CACNA1D: variants seen among roughly 807,000 people sequenced by gnomAD.
CACNA1D encodes the protein voltage-dependent L-type calcium channel subunit alpha-1D.
In CACNA1D, 55 loss-of-function variants were observed where a neutral mutation model predicts 257.1. The ratio of observed to expected loss-of-function variants is 0.21; its 90% CI spans 0.17 to 0.27. The LOEUF is 0.27. Among genes scored for constraint, CACNA1D ranks in the 10% least tolerant of loss-of-function variants. The probability of loss-of-function intolerance (pLI) is 1.00; values close to 1 mark genes in which losing one functional copy is unlikely to be tolerated. For missense variants in CACNA1D, 1,876 were observed against 2,784.0 expected, an observed-to-expected ratio of 0.67 and a Z score of 7.34; for synonymous variants, 980 against 1,014.9, an observed-to-expected ratio of 0.97 and a Z score of 0.65.
chr3:53,724,068 C>G, intron 14 of CACNA1D, 69 bp downstream of exon 14: 1 of 1,216,640 alleles, frequency 8.2e-7, no homozygotes, highest in South Asian at 1.2e-5. Context: ...GCCTTCTTGT[C>G]TGCTCACACT....
At chr3:53,687,384 T>C (rs34804225) in intron 8 of CACNA1D, among the ~76,000 whole-genome samples, 16,525 of 152,090 alleles carry the variant, frequency 0.11, 967 homozygotes, top group East Asian at 0.17. Flanking sequence ...CTGTAATAAA[T>C]ACAATGTTTG....
At chr3:53,719,933 G>C in intron 11 of CACNA1D, 152 bp downstream of exon 11, 1 of 820,430 alleles carries the variant, frequency 1.2e-6, no homozygotes, top group Non-Finnish European at 2.2e-6. Flanking sequence ...TGAATCCTAT[G>C]AGCCTGGCTT....
At chr3:53,665,395 A>G (rs188374198) in intron 5 of CACNA1D, among the ~76,000 whole-genome samples, 1 of 152,300 alleles carries the variant, frequency 6.6e-6, no homozygotes, top group African/African-American at 2.4e-5. Context: ...TGCATAAATG[A>G]ATGATGAACT....
chr3:53,565,551 A>G (rs1486692645), intron 3 of CACNA1D, among the ~76,000 whole-genome samples: 1 of 152,210 alleles, frequency 6.6e-6, no homozygotes, highest in African/African-American at 2.4e-5. Flanking sequence ...AGGAGGGAGA[A>G]AGGAAAGGAA....
At chr3:53,604,339 T>G (rs1057404296) in intron 3 of CACNA1D, among the ~76,000 whole-genome samples, 8 of 152,216 alleles carry the variant, frequency 5.3e-5, no homozygotes, top group African/African-American at 1.9e-4. Context: ...TTTGGATGAC[T>G]GGCCAGCAGA....
At chr3:53,650,973 T>TGG (rs140398062) in intron 4 of CACNA1D, 55 bp downstream of exon 4, 23 of 1,117,548 alleles carry the variant, frequency 2.1e-5, no homozygotes, top group Admixed American at 8.8e-5. Flanking sequence ...AGGTGGAGGT[T>TGG]GGGGGGGGTG....
chr3:53,520,886 CTTTCTTTCTTTTCTTTTCTTTTCT>C (rs2091537191), intron 3 of CACNA1D, among the ~76,000 whole-genome samples: 1 of 87,476 alleles, frequency 1.1e-5, no homozygotes, highest in Non-Finnish European at 2.1e-5. Context: ...TTCTTTCTTT[CTTTCTTTCTTTTCTTTTCTTTTCT>C]TTTCTTTTTC....
chr3:53,546,575 C>T (rs868309083), intron 3 of CACNA1D, among the ~76,000 whole-genome samples: 4 of 152,154 alleles, frequency 2.6e-5, no homozygotes, highest in African/African-American at 9.7e-5. Flanking sequence ...CAGGAATCTC[C>T]ACAGAGATCC....
chr3:53,766,516 T>C (rs927790696), intron 30 of CACNA1D, among the ~76,000 whole-genome samples: 5 of 152,224 alleles, frequency 3.3e-5, no homozygotes, highest in African/African-American at 1.2e-4. Flanking sequence ...CAAGCACAGA[T>C]AGAAATTAAA....
chr3:53,543,129 T>G (rs28594126), intron 3 of CACNA1D, among the ~76,000 whole-genome samples: 2,915 of 121,530 alleles, frequency 0.024, 96 homozygotes, highest in African/African-American at 0.078. Context: ...AAAAAATAAA[T>G]AAAGAAAGAA....
chr3:53,782,901 G>A (rs2095433736), intron 39 of CACNA1D: 1 of 152,192 alleles, frequency 6.6e-6, no homozygotes, highest in African/African-American at 2.4e-5. Context: ...ACACCTAAGA[G>A]CTTGCATGGC....
At chr3:53,738,926 A>G (rs1467777637) in intron 20 of CACNA1D, among the ~76,000 whole-genome samples, 1 of 151,846 alleles carries the variant, frequency 6.6e-6, no homozygotes, top group Non-Finnish European at 1.5e-5. Context: ...AGGAAGGAGT[A>G]AGGAAAAGTT....
At chr3:53,799,138 G>A (rs1467978487) in intron 40 of CACNA1D, among the ~76,000 whole-genome samples, 1 of 152,200 alleles carries the variant, frequency 6.6e-6, no homozygotes, top group East Asian at 1.9e-4. Flanking sequence ...AGTGAGGAGG[G>A]GCTGCCTGGA....
At position 53,624,698 on chromosome 3, in the gene CACNA1D, G is replaced by A. The variant is rs368660683; in HGVS notation, c.484-26081G>A. On this transcript the variant is annotated intron_variant, in intron 3 of 47. Transcript: ENST00000350061. ...ATTACCGTAATTCTGTTTATATGAC[G>A]CACCCCCAAATTCTTGAGCTGTGGC... 4.8e-4 allele frequency among the ~76,000 whole-genome samples: 73 copies of A among 152,240 alleles called. 1 individual carries two copies. In the South Asian group the frequency reaches 0.015, roughly 30 times the overall value.
Position 53,495,701 on chromosome 3 carries a change from C to T in CACNA1D, c.67+468C>T, listed in dbSNP as rs578136110. Among the ~76,000 whole-genome samples, 1 of 152,370 alleles carries T rather than the reference C, an allele frequency of 6.6e-6. No individual in the cohort carries two copies. Among genetic ancestry groups the T allele is most frequent in the Non-Finnish European group, 1.5e-5 (1 of 68,034 alleles). ...TCTAGGATTGCCCGGTTTCGCCCTCCGCGCCGGTGGGTGAAGCACACCCAT... is the reference window on the plus strand; with the variant it reads ...TCTAGGATTGCCCGGTTTCGCCCTCTGCGCCGGTGGGTGAAGCACACCCAT... On this transcript the variant is annotated intron_variant, in intron 1 of 47. Coordinates refer to ENST00000350061, the MANE Select transcript of CACNA1D (RefSeq NM_001128840.3). This position sits in a 1 kb window ranked among gnomAD's most constrained non-coding sequence, Gnocchi z 5.1.
At chr3:53,742,674 C>T (rs1462960929) in intron 21 of CACNA1D, among the ~76,000 whole-genome samples, 3 of 152,150 alleles carry the variant, frequency 2.0e-5, no homozygotes, top group African/African-American at 4.8e-5. Context: ...GTGGGCTCTC[C>T]GGACAGCACT....
rs1576762429 is a variant in CACNA1D, at chr3:53,812,185, T to C, written c.*779T>C. On this transcript the variant is annotated 3_prime_UTR_variant, in exon 48 of 48. Coordinates refer to ENST00000350061, the MANE Select transcript of CACNA1D (RefSeq NM_001128840.3). Reference sequence around the variant, plus strand: ...GTACATGACTTGTAATATACTATAATTTGTATTTGTAAAGAGATGGTCTAT... The same window carrying C: ...GTACATGACTTGTAATATACTATAACTTGTATTTGTAAAGAGATGGTCTAT... 2.0e-5 allele frequency: 3 copies of C among 152,338 alleles called. No homozygotes were observed. The highest frequency in any genetic ancestry group is 6.5e-5 in the Admixed American group (1 of 15,308). The allele number at this position is 152,338 out of a possible 1,614,324, so 9.4% of individuals were successfully genotyped here. A position where few individuals can be genotyped will look rare whatever the true frequency, so the allele number is the denominator to read the frequency against.
At chr3:53,607,597 A>G (rs541677096) in intron 3 of CACNA1D, among the ~76,000 whole-genome samples, 1 of 152,334 alleles carries the variant, frequency 6.6e-6, no homozygotes, top group East Asian at 1.9e-4. Context: ...ATGTAACTAA[A>G]TTCTGCCAGC....
chr3:53,622,983 C>T (rs1309889193), intron 3 of CACNA1D, among the ~76,000 whole-genome samples: 1 of 152,060 alleles, frequency 6.6e-6, no homozygotes, highest in African/African-American at 2.4e-5. Flanking sequence ...TCTCTGCCTC[C>T]CGGGTTCAAG....
Sources: allele counts gnomAD v4.1 joint callset (sites outside exome capture counted in the v4.1 genomes callset), GRCh38; gene constraint gnomAD v4.1.1; non-coding constraint Gnocchi (gnomAD v3.1); transcripts MANE v1.5; gene names NCBI Gene and HGNC (gene_info 2026-07-23, HGNC 2026-07-21).